Variants in SOX5 observed in about 807,000 individuals in gnomAD.
SOX5 encodes SRY-box transcription factor 5, also known as transcription factor SOX-5.
A neutral mutation model predicts 92.0 loss-of-function variants in SOX5; 9 were observed. The observed-to-expected ratio is 0.10, with a 90% CI of 0.06 to 0.17. SOX5 has a LOEUF of 0.17. Among genes scored for constraint, SOX5 ranks in the 10% least tolerant of loss-of-function variants. The pLI, the probability that SOX5 is intolerant of heterozygous loss-of-function variation, is 1.00. For synonymous variants in SOX5, 344 were observed against 336.3 expected (o/e 1.02, Z -0.25); for missense variants, 642 against 944.5 (o/e 0.68, Z 4.20).
At chr12:23,658,071 G>A (rs1321201955) in intron 7 of SOX5, among the ~76,000 whole-genome samples, 1 of 151,986 alleles carries the variant, frequency 6.6e-6, no homozygotes, top group Non-Finnish European at 1.5e-5. Context: ...TTAAATGCTG[G>A]TTACTAATAT....
intron 8 of SOX5, among the ~76,000 whole-genome samples, chr12:23,636,531 A>C (rs993490724): frequency 6.6e-6 from 1 of 152,220 alleles, no homozygotes; most frequent in African/African-American, 2.4e-5. Context: ...TCAAATGAAA[A>C]CACATATGGT....
chr12:23,921,976 A>G (rs1402811889), intron 1 of SOX5, among the ~76,000 whole-genome samples: 4 of 152,204 alleles, frequency 2.6e-5, no homozygotes, highest in African/African-American at 9.7e-5. Flanking sequence ...AACTTCCAGC[A>G]TATAACAATT....
intron 8 of SOX5, among the ~76,000 whole-genome samples, chr12:23,615,532 C>G (rs566951504): frequency 1.5e-3 from 222 of 152,168 alleles, no homozygotes; most frequent in African/African-American, 5.0e-3. Context: ...CCCAGTGACT[C>G]TTGTTCCCCT....
intron 2 of SOX5, among the ~76,000 whole-genome samples, chr12:24,324,440 G>C (rs1250856649): frequency 6.6e-6 from 1 of 151,388 alleles, no homozygotes; most frequent in Admixed American, 6.6e-5. Context: ...TTCTTTAGAA[G>C]GACTATTTTA....
chr12:23,813,509 C>T (rs1347872214), intron 3 of SOX5, among the ~76,000 whole-genome samples: 1 of 151,998 alleles, frequency 6.6e-6, no homozygotes, highest in African/African-American at 2.4e-5. Context: ...TTAGTACTTT[C>T]GGAAAAAGCA....
chr12:23,927,479 C>A (rs1306269192), intron 1 of SOX5, among the ~76,000 whole-genome samples: 1 of 151,938 alleles, frequency 6.6e-6, no homozygotes, highest in African/African-American at 2.4e-5. Flanking sequence ...TACATATAGG[C>A]AGGGCTACAG....
chr12:23,817,829 A>G (rs1369779384), intron 3 of SOX5, among the ~76,000 whole-genome samples: 1 of 152,184 alleles, frequency 6.6e-6, no homozygotes, highest in East Asian at 1.9e-4. Flanking sequence ...ACTCTCCCAA[A>G]AGACCACGAA....
At chr12:24,362,937 C>T (rs1955753189) in intron 2 of SOX5, among the ~76,000 whole-genome samples, 1 of 151,206 alleles carries the variant, frequency 6.6e-6, no homozygotes, top group South Asian at 2.1e-4. Flanking sequence ...TCTTGATCCA[C>T]CAGTAGAATT....
chr12:24,351,336 A>T (rs1274535424), intron 2 of SOX5, among the ~76,000 whole-genome samples: 2 of 152,220 alleles, frequency 1.3e-5, no homozygotes. Flanking sequence ...CCTAGCAAAA[A>T]AATTTGACCC....
intron 2 of SOX5, among the ~76,000 whole-genome samples, chr12:23,866,126 C>T (rs2096810081): frequency 6.6e-6 from 1 of 152,158 alleles, no homozygotes; most frequent in Non-Finnish European, 1.5e-5. Context: ...GTATTTAGAA[C>T]ATTCCATATC....
chr12:23,998,533 G>A (rs1951256581), intron 4 of SOX5, among the ~76,000 whole-genome samples: 1 of 152,092 alleles, frequency 6.6e-6, no homozygotes, highest in South Asian at 2.1e-4. Flanking sequence ...GGCCAGGAAT[G>A]GTGGCTCATG....
chr12:24,383,903 C>G (rs7968811), intron 1 of SOX5, among the ~76,000 whole-genome samples: 2 of 151,824 alleles, frequency 1.3e-5, no homozygotes, highest in African/African-American at 4.8e-5. Context: ...CTAAGTGTTG[C>G]GGAAGGGAAC....
intron 4 of SOX5, among the ~76,000 whole-genome samples, chr12:24,011,361 C>A (rs965958129): frequency 2.0e-5 from 3 of 152,152 alleles, no homozygotes; most frequent in Non-Finnish European, 4.4e-5. Flanking sequence ...TGATAATCAT[C>A]TCCTATTTTT....
intron 9 of SOX5, among the ~76,000 whole-genome samples, chr12:23,596,419 G>T (rs1952459571): frequency 6.6e-6 from 1 of 152,246 alleles, no homozygotes; most frequent in Non-Finnish European, 1.5e-5. Flanking sequence ...ATCTCTGTAA[G>T]AGAGACCGCT....
intron 1 of SOX5, among the ~76,000 whole-genome samples, chr12:23,904,737 C>T (rs2097273151): frequency 7.4e-6 from 1 of 135,352 alleles, no homozygotes; most frequent in African/African-American, 2.5e-5. Context: ...CTATGTTTAC[C>T]TTGCCACATG....
intron 3 of SOX5, among the ~76,000 whole-genome samples, chr12:23,819,885 A>C (rs746385649): frequency 1.3e-5 from 2 of 152,200 alleles, no homozygotes; most frequent in African/African-American, 2.4e-5. Flanking sequence ...GTGCTGCAAT[A>C]AACATATGTG....
intron 4 of SOX5, among the ~76,000 whole-genome samples, chr12:24,086,458 T>C (rs1944006167): frequency 6.6e-6 from 1 of 151,836 alleles, no homozygotes; most frequent in Non-Finnish European, 1.5e-5. Context: ...CATGTAAAAT[T>C]CTATATAGAA....
chr12:24,257,507 C>T (rs1182477738), intron 3 of SOX5, among the ~76,000 whole-genome samples: 2 of 151,888 alleles, frequency 1.3e-5, no homozygotes, highest in South Asian at 4.2e-4. Context: ...CTTGCTCTGT[C>T]GCCCACGCTG....
chr12:24,356,184 T>C (rs1954806881), intron 2 of SOX5, among the ~76,000 whole-genome samples: 1 of 152,186 alleles, frequency 6.6e-6, no homozygotes, highest in African/African-American at 2.4e-5. Context: ...TAAGTATTTA[T>C]AATCAATCTA....
Sources: allele counts gnomAD v4.1 joint callset (sites outside exome capture counted in the v4.1 genomes callset), GRCh38; gene constraint gnomAD v4.1.1; transcripts MANE v1.5; gene names NCBI Gene and HGNC (gene_info 2026-07-23, HGNC 2026-07-21).